BCL2L11: variants seen among roughly 807,000 people sequenced by gnomAD.
BCL2L11 encodes bcl-2-like protein 11.
BCL2L11 carries 15 observed loss-of-function variants against 20.6 expected under a neutral mutation model. The observed-to-expected ratio is 0.73, with a 90% confidence interval of 0.49 to 1.12. The LOEUF is 1.12. Among genes scored for constraint, BCL2L11 ranks in the 50% most tolerant of loss-of-function variants. BCL2L11 has a pLI of 0.00. For missense variants in BCL2L11, 292 were observed against 260.9 expected, an observed-to-expected ratio of 1.12 and a Z score of -0.82; for synonymous variants, 108 against 92.8, an observed-to-expected ratio of 1.16 and a Z score of -0.94.
At chr2:111,146,023 T>C (rs770316710) in intron 2 of BCL2L11, 74 of 985,040 alleles carry the variant, frequency 7.5e-5, no homozygotes, top group Middle Eastern at 5.2e-4. Context: ...ATTGGAGCTT[T>C]TGCTGCAGAT....
intron 2 of BCL2L11, chr2:111,128,595 T>TA: frequency 6.7e-7 from 1 of 1,498,954 alleles, no homozygotes; most frequent in Non-Finnish European, 8.8e-7. Context: ...TCCACATACT[T>TA]ACCAACACTT....
chr2:111,142,408 T>C, intron 2 of BCL2L11: 2 of 1,546,822 alleles, frequency 1.3e-6, no homozygotes, highest in Middle Eastern at 1.7e-4. Flanking sequence ...AGTTTTTCTT[T>C]TTATTCAAAA....
intron 2 of BCL2L11, among the ~76,000 whole-genome samples, chr2:111,125,477 C>T (rs1264356580): frequency 1.3e-5 from 2 of 152,194 alleles, no homozygotes; most frequent in Admixed American, 6.5e-5. Flanking sequence ...TTAGGAAACC[C>T]AGTACAGAGT....
At chr2:111,123,485 T>G in intron 1 of BCL2L11, 3 of 985,488 alleles carry the variant, frequency 3.0e-6, no homozygotes. Flanking sequence ...CGCATGTGTG[T>G]GTGCACCAGT....
At chr2:111,153,279 T>C (rs2077459115) in intron 3 of BCL2L11, among the ~76,000 whole-genome samples, 1 of 152,040 alleles carries the variant, frequency 6.6e-6, no homozygotes, top group African/African-American at 2.4e-5. Context: ...CTCGGGAGGC[T>C]GAGGCAGGAG....
chr2:111,158,533 A>G (rs958152701), intron 3 of BCL2L11, among the ~76,000 whole-genome samples: 4 of 150,834 alleles, frequency 2.7e-5, no homozygotes, highest in African/African-American at 7.3e-5. Flanking sequence ...CCTATTATAT[A>G]TAATGTATAA....
chr2:111,166,153 C>T lies in BCL2L11; in HGVS notation c.*1922C>T, dbSNP rs2150619310. The T allele has an allele frequency of 6.5e-6, 1 of 152,808 alleles. No individual in the cohort carries two copies. Among genetic ancestry groups the T allele is most frequent in the East Asian group, 1.9e-4 (1 of 5,190 alleles). 9.5% of individuals were successfully genotyped at this position (152,808 alleles called of 1,614,324 possible). A position where few individuals can be genotyped will look rare whatever the true frequency, so the allele number is the denominator to read the frequency against. On this transcript the variant is annotated 3_prime_UTR_variant, in exon 4 of 4. Transcript: ENST00000393256. ...CAGCCGTGGGCCTGCTGGACACACA[C>T]ATACACCAAAGATGTATTTGGATCT...
intron 3 of BCL2L11, chr2:111,150,409 ATTAT>A: frequency 1.9e-6 from 1 of 526,852 alleles, no homozygotes; most frequent in Non-Finnish European, 3.1e-6. Flanking sequence ...TAAAAAAGGG[ATTAT>A]TTATAGACTT....
At chr2:111,144,399 T>G in intron 2 of BCL2L11, 10 of 1,397,548 alleles carry the variant, frequency 7.2e-6, no homozygotes, top group African/African-American at 2.9e-5. Context: ...ATTTTATTTC[T>G]GAGAACCGTC....
rs539862133 is a variant in BCL2L11 at position 111,154,996 on chromosome 2, C to A, written c.498+4849C>A. 2.0e-5 allele frequency among the ~76,000 whole-genome samples: 3 copies of A among 152,288 alleles called. No homozygotes were observed. The East Asian group carries it at 5.8e-4, about 29-fold the overall frequency. On this transcript the variant is annotated intron_variant, in intron 3 of 3. Transcript: ENST00000393256. The stretch of plus-strand genomic sequence containing the variant: ...CGGAGCTCTTAAAAGTCATTTGTTG[C>A]GGAATGAACTTTGGCCAGAGGGCTA...
chr2:111,150,045 T>A lies in BCL2L11; in HGVS notation c.396T>A (p.Ala132=), dbSNP rs757209188. The change falls in exon 3 of 4, where the codon GCT becomes GCA. Residue 132 remains alanine (A), a splice_region_variant and synonymous_variant. Coordinates refer to ENST00000393256, the MANE Select transcript of BCL2L11 (RefSeq NM_138621.5). ...QAFNHYLSAM[A]SMRQAEPADM... is the part of the protein sequence containing the mutation. ...TTGTTTTGTTTTGTTCTGATGCAGC[T>A]TCCATGAGGCAGGCTGAACCTGCAG... 1.9e-6 allele frequency: 3 copies of A among 1,613,278 alleles called. No individual in the cohort carries two copies. The highest frequency in any genetic ancestry group is 2.7e-5 in the African/African-American group (2 of 74,918).
rs766209148 is a variant in BCL2L11, at chr2:111,123,898, A to C, written c.153A>C (p.Glu51Asp). Residue 51 changes from glutamate to aspartate, a missense_variant, in exon 2 of 4, where the codon GAA becomes GAC. Transcript: ENST00000393256. ...ATCCTGAAGGCAATCACGGAGGTGA[A>C]GGGGACAGCTGCCCCCACGGCAGCC... is the stretch of plus-strand genomic sequence containing the variant. The part of the protein sequence containing the change: ...QGNPEGNHGG[E>D]GDSCPHGSPQ... The C allele has an allele frequency of 3.9e-5, 63 of 1,611,628 alleles. No homozygotes were observed. The highest frequency in any genetic ancestry group is 5.2e-5 in the Non-Finnish European group (61 of 1,178,988).
At chr2:111,138,897 T>TC (rs2075356817) in intron 2 of BCL2L11, among the ~76,000 whole-genome samples, 2 of 151,996 alleles carry the variant, frequency 1.3e-5, no homozygotes, top group Non-Finnish European at 2.9e-5. Context: ...CATAAGCAAA[T>TC]CGACAGAAAG....
chr2:111,121,907 C>T (rs1037700443), intron 1 of BCL2L11, among the ~76,000 whole-genome samples: 2 of 152,170 alleles, frequency 1.3e-5, no homozygotes, highest in African/African-American at 4.8e-5. Context: ...CCTGCTCGGT[C>T]CCTGGGCCGG....
intron 2 of BCL2L11, among the ~76,000 whole-genome samples, chr2:111,144,304 G>C (rs1440480549): frequency 6.6e-6 from 1 of 152,196 alleles, no homozygotes; most frequent in Non-Finnish European, 1.5e-5. Context: ...CAGCGGAATT[G>C]ATTGGGATTG....
intron 2 of BCL2L11, among the ~76,000 whole-genome samples, chr2:111,125,343 G>A (rs181853836): frequency 2.0e-5 from 3 of 152,120 alleles, no homozygotes; most frequent in African/African-American, 4.8e-5. Flanking sequence ...TGTGTTGATC[G>A]ACTTGCTGTT....
At chr2:111,154,460 T>TA (rs1270204290) in intron 3 of BCL2L11, among the ~76,000 whole-genome samples, 1 of 152,202 alleles carries the variant, frequency 6.6e-6, no homozygotes, top group Non-Finnish European at 1.5e-5. Flanking sequence ...TTGGAACCGT[T>TA]CCTCTGTCTT....
intron 3 of BCL2L11, among the ~76,000 whole-genome samples, chr2:111,161,042 TGTGTCTTCAC>T (rs899843182): frequency 1.4e-4 from 21 of 152,204 alleles, no homozygotes; most frequent in African/African-American, 4.8e-4. Context: ...TGTCATCCCC[TGTGTCTTCAC>T]GTGGTCTCCC....
intron 2 of BCL2L11, among the ~76,000 whole-genome samples, chr2:111,139,573 A>T (rs1229093905): frequency 6.6e-6 from 1 of 152,130 alleles, no homozygotes. Context: ...GACAATTTAG[A>T]CAGACTGTTG....
Sources: allele counts gnomAD v4.1 joint callset (sites outside exome capture counted in the v4.1 genomes callset), GRCh38; gene constraint gnomAD v4.1.1; transcripts MANE v1.5; gene names NCBI Gene and HGNC (gene_info 2026-07-23, HGNC 2026-07-21).